IQSEC1: variants seen among roughly 807,000 people sequenced by gnomAD.
IQSEC1 encodes the protein IQ motif and SEC7 domain-containing protein 1.
IQSEC1 carries 31 observed loss-of-function variants against 91.0 expected under a neutral mutation model. That is an observed-to-expected ratio of 0.34 (90% CI 0.26 to 0.46). The LOEUF (loss-of-function observed/expected upper bound fraction) is 0.46, where lower values mean the gene tolerates loss of function less well. Ranked by LOEUF, IQSEC1 falls within the 20% of genes least tolerant of loss-of-function variation. IQSEC1 has a pLI of 1.00. For synonymous variants in IQSEC1, 699 were observed against 662.6 expected (o/e 1.05, Z -0.84); for missense variants, 1,388 against 1,575.6 (o/e 0.88, Z 2.02).
chr3:12,902,945 C>A (rs1197975993), intron 12 of IQSEC1, 123 bp from the exon 13 acceptor site: 3 of 752,676 alleles, frequency 4.0e-6, no homozygotes, highest in Non-Finnish European at 4.8e-6. Flanking sequence ...AGGTGCCGGG[C>A]CCACCTGCCC....
At chr3:13,248,662 TTAAA>T (rs2125112521) in intron 1 of IQSEC1, among the ~76,000 whole-genome samples, 1 of 152,334 alleles carries the variant, frequency 6.6e-6, no homozygotes, top group South Asian at 2.1e-4. Context: ...CATGTGAAGG[TTAAA>T]TAAAGTGCTG....
chr3:13,253,344 T>G (rs1047569329), intron 1 of IQSEC1, among the ~76,000 whole-genome samples: 2 of 151,532 alleles, frequency 1.3e-5, no homozygotes, highest in Non-Finnish European at 2.9e-5. Context: ...AATGCAAGAG[T>G]TCCCAGAGAA....
At chr3:12,968,816 C>T (rs933989014) in intron 1 of IQSEC1, among the ~76,000 whole-genome samples, 10 of 152,190 alleles carry the variant, frequency 6.6e-5, no homozygotes, top group Non-Finnish European at 1.3e-4. Flanking sequence ...GGCAGGCCTA[C>T]GGGAGTCAGG....
chr3:13,119,298 T>A (rs1706386939), intron 2 of IQSEC1, among the ~76,000 whole-genome samples: 1 of 152,204 alleles, frequency 6.6e-6, no homozygotes. Context: ...TAAAAGGGCC[T>A]CAAGGATCTG....
rs909370685 is a variant in IQSEC1, at chr3:13,282,126, C to T, written c.272+585G>A. ...TGGGTCCGAAATAGCCCCGGGTAAT[C>T]CCAGGGCGAGGCAGTCGGGAATTAA... On this transcript the variant is annotated intron_variant, in intron 1 of 15. Transcript: ENST00000648114. This position sits in a 1 kb window ranked among gnomAD's most constrained non-coding sequence, Gnocchi z 6.4. Among the ~76,000 whole-genome samples the T allele has an allele frequency of 2.0e-5, 3 of 152,202 alleles. No individual in the cohort carries two copies. The highest frequency in any genetic ancestry group is 4.4e-5 in the Non-Finnish European group (3 of 68,038).
At chr3:12,915,568 AC>A in intron 7 of IQSEC1, 25 bp downstream of exon 7, 1 of 1,609,172 alleles carries the variant, frequency 6.2e-7, no homozygotes, top group South Asian at 1.1e-5. Context: ...GCTGGGGCCC[AC>A]CACGTACCAG....
At chr3:13,097,744 T>G (rs762986615) in intron 2 of IQSEC1, among the ~76,000 whole-genome samples, 1 of 149,570 alleles carries the variant, frequency 6.7e-6, no homozygotes, top group African/African-American at 2.5e-5. Flanking sequence ...GGGCTGAACA[T>G]TTTTTTTTTC....
At chr3:13,041,681 A>G (rs539334810) in intron 1 of IQSEC1, among the ~76,000 whole-genome samples, 90 of 152,278 alleles carry the variant, frequency 5.9e-4, no homozygotes, top group African/African-American at 2.1e-3. Context: ...AGGTATGAAC[A>G]TTCGGGCTTG....
Position 13,012,964 on chromosome 3 carries a change from C to CTTTTTTT in IQSEC1, c.23+60021_23+60027dup, listed in dbSNP as rs35541458. Among the ~76,000 whole-genome samples, 43 of 97,538 alleles carry CTTTTTTT rather than the reference C, an allele frequency of 4.4e-4. 8 individuals carry two copies. The highest frequency in any genetic ancestry group is 5.5e-4 in the Non-Finnish European group (29 of 52,432). The allele number at this position is 97,538 out of a possible 152,430, so 64.0% of individuals were successfully genotyped here. A position where few individuals can be genotyped will look rare whatever the true frequency, so the allele number is the denominator to read the frequency against. The stretch of plus-strand genomic sequence containing the variant: ...ACAGAAACTCCCATGAAAGTCTGGG[C>CTTTTTTT]TTTTTTTTTTTTTTTTGAGACAGTC... On this transcript the variant is annotated intron_variant, in intron 1 of 13. Coordinates refer to ENST00000613206, the MANE Select transcript of IQSEC1 (RefSeq NM_001134382.3).
At chr3:13,276,234 G>A (rs1309664834) in intron 1 of IQSEC1, among the ~76,000 whole-genome samples, 2 of 151,668 alleles carry the variant, frequency 1.3e-5, no homozygotes, top group Non-Finnish European at 1.5e-5. Flanking sequence ...GACTACAGGC[G>A]CCTGCCACTG....
chr3:13,165,082 G>A (rs1356621350), intron 1 of IQSEC1, among the ~76,000 whole-genome samples: 2 of 152,118 alleles, frequency 1.3e-5, no homozygotes, highest in African/African-American at 4.8e-5. Context: ...ATTCAGACCC[G>A]GCCTCCCTTG....
intron 1 of IQSEC1, among the ~76,000 whole-genome samples, chr3:12,991,937 C>CT (rs1702010385): frequency 6.6e-6 from 1 of 152,142 alleles, no homozygotes; most frequent in South Asian, 2.1e-4. Context: ...GCCATGGGCC[C>CT]TTTAAGCAGC....
At chr3:13,162,968 C>T (rs1010303164) in intron 2 of IQSEC1, among the ~76,000 whole-genome samples, 1 of 152,084 alleles carries the variant, frequency 6.6e-6, no homozygotes, top group Non-Finnish European at 1.5e-5. Flanking sequence ...GTCCCCTCAC[C>T]TGGGCTTCAC....
At chr3:13,040,527 C>A (rs1704221593) in intron 1 of IQSEC1, among the ~76,000 whole-genome samples, 1 of 152,166 alleles carries the variant, frequency 6.6e-6, no homozygotes, top group East Asian at 1.9e-4. Flanking sequence ...CTGAGCCACG[C>A]CTCTCACACT....
intron 1 of IQSEC1, among the ~76,000 whole-genome samples, chr3:13,223,849 G>C (rs1473230103): frequency 6.6e-6 from 1 of 152,216 alleles, no homozygotes; most frequent in Non-Finnish European, 1.5e-5. Flanking sequence ...GGGACATCTT[G>C]TGCCCTAGAA....
chr3:12,929,177 C>T (rs1413275950), intron 3 of IQSEC1, among the ~76,000 whole-genome samples: 3 of 152,174 alleles, frequency 2.0e-5, no homozygotes, highest in Non-Finnish European at 1.5e-5. Flanking sequence ...TTCTGTGTGT[C>T]TGTATAATGG....
intron 1 of IQSEC1, among the ~76,000 whole-genome samples, chr3:13,043,211 G>A (rs1275728967): frequency 6.6e-6 from 1 of 152,222 alleles, no homozygotes; most frequent in Non-Finnish European, 1.5e-5. Context: ...TTGTTGGGCA[G>A]AGGGACCCCA....
At chr3:13,194,255 G>C (rs1252692474) in intron 1 of IQSEC1, among the ~76,000 whole-genome samples, 2 of 152,160 alleles carry the variant, frequency 1.3e-5, no homozygotes, top group East Asian at 1.9e-4. Context: ...TGAGTCAGTG[G>C]GGGGTGCCAG....
chr3:13,096,961 C>T (rs1282112614), intron 2 of IQSEC1, among the ~76,000 whole-genome samples: 1 of 151,708 alleles, frequency 6.6e-6, no homozygotes, highest in African/African-American at 2.4e-5. Flanking sequence ...CCAGGGTTCA[C>T]GCCATTCTCC....
Sources: allele counts gnomAD v4.1 joint callset (sites outside exome capture counted in the v4.1 genomes callset), GRCh38; gene constraint gnomAD v4.1.1; non-coding constraint Gnocchi (gnomAD v3.1); transcripts MANE v1.5; gene names NCBI Gene and HGNC (gene_info 2026-07-23, HGNC 2026-07-21).